DNM1L: variants seen among roughly 807,000 people sequenced by gnomAD.
The protein encoded by DNM1L is dynamin 1L.
A neutral mutation model predicts 92.8 loss-of-function variants in DNM1L; 33 were observed. The ratio of observed to expected loss-of-function variants is 0.36; its 90% CI spans 0.27 to 0.48. The LOEUF (loss-of-function observed/expected upper bound fraction) is 0.48. DNM1L is among the 20% of genes least tolerant of loss of function. The pLI, the probability that DNM1L is intolerant of heterozygous loss-of-function variation, is 0.99. For synonymous variants in DNM1L, 284 were observed against 305.0 expected (o/e 0.93, Z 0.72); for missense variants, 485 against 888.8 (o/e 0.55, Z 5.78).
intron 6 of DNM1L, among the ~76,000 whole-genome samples, chr12:32,718,083 ATTT>A (rs1196636009): frequency 7.5e-6 from 1 of 133,970 alleles, no homozygotes; most frequent in African/African-American, 2.9e-5. Flanking sequence ...TACTATACAT[ATTT>A]TATATATATA....
At chr12:32,720,560 A>G (rs1004724197) in intron 7 of DNM1L, 104 bp from the exon 8 acceptor site, 4 of 1,487,178 alleles carry the variant, frequency 2.7e-6, no homozygotes, top group South Asian at 1.1e-5. Flanking sequence ...TAAATAAAAC[A>G]GTCCCTGTCA....
chr12:32,705,889 C>T lies in DNM1L; in HGVS notation c.251-1478C>T. ...GTTTCCTTTATCCATTTGCTTTTGA[C>T]CCTTTTTTTCTCTTATGCCTGCATG... On this transcript the variant is annotated intron_variant, in intron 2 of 19. Transcript: ENST00000549701. 1.9e-6 allele frequency: 3 copies of T among 1,594,138 alleles called. No individual in the cohort carries two copies. The African/African-American group carries it at 4.0e-5, about 21-fold the overall frequency.
intron 2 of DNM1L, among the ~76,000 whole-genome samples, chr12:32,704,498 C>T (rs1184128149): frequency 3.3e-5 from 5 of 150,782 alleles, no homozygotes; most frequent in South Asian, 4.2e-4. Context: ...TGTAGTGAGC[C>T]GAGATCGAGC....
At chr12:32,713,503 TTTTG>T in intron 6 of DNM1L, 132 bp downstream of exon 6, 1 of 1,058,762 alleles carries the variant, frequency 9.4e-7, no homozygotes, top group Non-Finnish European at 1.4e-6. Flanking sequence ...GCTTTCCTAT[TTTTG>T]TTTATAAAAA....
At chr12:32,739,420 C>T (rs1328718940) in intron 16 of DNM1L, among the ~76,000 whole-genome samples, 1 of 152,176 alleles carries the variant, frequency 6.6e-6, no homozygotes, top group Non-Finnish European at 1.5e-5. Flanking sequence ...TTTCTTTCAG[C>T]AAATCCTTAA....
chr12:32,679,684 A>G (rs1951729055), intron 1 of DNM1L: 3 of 1,248,924 alleles, frequency 2.4e-6, no homozygotes, highest in Non-Finnish European at 3.0e-6. Context: ...GGGCCCGGCC[A>G]GGGGCGGAGC....
At chr12:32,685,041 G>A (rs1261679439) in intron 1 of DNM1L, among the ~76,000 whole-genome samples, 1 of 150,760 alleles carries the variant, frequency 6.6e-6, no homozygotes. Context: ...CCGGGTTTAC[G>A]CCGTTCTCCT....
Position 32,701,450 on chromosome 12 carries a change from G to C in DNM1L, c.138G>C (p.Val46=). ...AGAGCTCAGTGCTAGAAAGCCTGGTGGGGAGGGACCTGCTTCCCAGAGGTA... is the reference window on the plus strand; with the variant it reads ...AGAGCTCAGTGCTAGAAAGCCTGGTCGGGAGGGACCTGCTTCCCAGAGGTA... ...SGKSSVLESL[V]GRDLLPRGTG... The change falls in exon 2 of 20, where the codon GTG becomes GTC. Residue 46 remains valine, a synonymous_variant. Transcript: ENST00000549701. The C allele has an allele frequency of 6.2e-7, 1 of 1,613,932 alleles. No homozygotes were observed. The highest frequency in any genetic ancestry group is 8.5e-7 in the Non-Finnish European group (1 of 1,179,826).
At chr12:32,686,351 T>G (rs1324864661) in intron 1 of DNM1L, among the ~76,000 whole-genome samples, 1 of 152,156 alleles carries the variant, frequency 6.6e-6, no homozygotes, top group Non-Finnish European at 1.5e-5. Flanking sequence ...CCAGCCAAAA[T>G]TAGCCCTTTT....
chr12:32,736,993 G>A (rs1954929733), intron 13 of DNM1L, 112 bp from the exon 14 acceptor site: 1 of 966,356 alleles, frequency 1.0e-6, no homozygotes, highest in Non-Finnish European at 1.6e-6. Context: ...TCCCAACAGT[G>A]AGAGGATGTA....
At chr12:32,742,836 ATAGTCTTTATATTC>A in intron 19 of DNM1L, 88 bp downstream of exon 19, 2 of 1,317,962 alleles carry the variant, frequency 1.5e-6, no homozygotes. Flanking sequence ...TTGGATATGT[ATAGTCTTTATATTC>A]TAGCTAGGCT....
At chr12:32,726,002 A>G (rs1046863024) in intron 9 of DNM1L, among the ~76,000 whole-genome samples, 1 of 151,724 alleles carries the variant, frequency 6.6e-6, no homozygotes, top group African/African-American at 2.4e-5. Context: ...ATCCAAGCAG[A>G]CTTAACCCTA....
Position 32,708,160 on chromosome 12 carries a change from C to T in DNM1L, c.305C>T (p.Thr102Met), listed in dbSNP as rs201929226. 383 of 1,597,708 alleles carry T rather than the reference C, an allele frequency of 2.4e-4. No individual in the cohort carries two copies. Among genetic ancestry groups the T allele is most frequent in the Middle Eastern group, 1.0e-3 (6 of 6,006 alleles). The change falls in exon 4 of 20, where the codon ACG (threonine) becomes ATG (methionine). Residue 102 changes from threonine to methionine, a missense_variant. Around this residue, in one of 11 missense-constraint regions of DNM1L, gnomAD observed 159 missense variants for 275.9 expected, o/e 0.58. Coordinates refer to ENST00000549701, the MANE Select transcript of DNM1L (RefSeq NM_012062.5). Reference protein sequence around the residue: ...KFLHTKNKLYTDFDEIRQEIE... With the variant: ...KFLHTKNKLYMDFDEIRQEIE... ...TATTTCAAAAATTTTTAGCTTTACA[C>T]GGATTTTGATGAAATTCGACAAGAA...
intron 13 of DNM1L, among the ~76,000 whole-genome samples, chr12:32,736,001 T>C (rs1056312027): frequency 1.3e-5 from 2 of 152,132 alleles, no homozygotes; most frequent in Non-Finnish European, 2.9e-5. Context: ...GTTTCTACTT[T>C]ATCTGATGCT....
rs1955571366 is a variant in DNM1L, at chr12:32,745,130, T to C, written c.*1720T>C. On this transcript the variant is annotated 3_prime_UTR_variant, in exon 20 of 20. Transcript: ENST00000549701. The stretch of plus-strand genomic sequence containing the variant: ...GGTACTACTTTGAATCTGTTACTAG[T>C]ACCATCTTGACAGAGGATACATGCT... The C allele has an allele frequency of 2.4e-6, 1 of 414,646 alleles. No individual in the cohort carries two copies. Among genetic ancestry groups the C allele is most frequent in the South Asian group, 1.9e-5 (1 of 51,938 alleles). 25.7% of individuals were successfully genotyped at this position (414,646 alleles called of 1,614,324 possible).
At position 32,713,502 on chromosome 12, in the gene DNM1L, T is replaced by C. The variant is rs140398302; in HGVS notation, c.619+131T>C. 101 of 1,051,540 alleles carry C rather than the reference T, an allele frequency of 9.6e-5. No homozygotes were observed. In the African/African-American group the frequency reaches 1.4e-3, roughly 15 times the overall value. The allele number at this position is 1,051,540 out of a possible 1,614,324, so 65.1% of individuals were successfully genotyped here. A position where few individuals can be genotyped will look rare whatever the true frequency, so the allele number is the denominator to read the frequency against. The stretch of plus-strand genomic sequence containing the variant: ...AAATTTAAAAGATAATGCTTTCCTA[T>C]TTTTGTTTATAAAAATAGAAATTCT... On this transcript the variant is annotated intron_variant, in intron 6 of 19. Transcript: ENST00000549701.
intron 9 of DNM1L, chr12:32,726,917 T>A (rs1954186938): frequency 2.9e-6 from 2 of 693,866 alleles, no homozygotes; most frequent in Non-Finnish European, 5.2e-6. Flanking sequence ...ATTGAAATTC[T>A]AAGACAAAAC....
At chr12:32,709,037 T>C (rs1016675241) in intron 4 of DNM1L, among the ~76,000 whole-genome samples, 2 of 152,198 alleles carry the variant, frequency 1.3e-5, no homozygotes, top group Non-Finnish European at 1.5e-5. Flanking sequence ...CCAGTTACTA[T>C]GCTAAAAGAT....
rs1215559328 is a variant in DNM1L, at chr12:32,744,756, CCTT to C, written c.*1348_*1350del. 1 of 411,206 alleles carries C rather than the reference CCTT, an allele frequency of 2.4e-6. No individual in the cohort carries two copies. Among genetic ancestry groups the C allele is most frequent in the Non-Finnish European group, 4.7e-6 (1 of 212,592 alleles). 25.5% of individuals were successfully genotyped at this position (411,206 alleles called of 1,614,324 possible). On this transcript the variant is annotated 3_prime_UTR_variant, in exon 20 of 20. Coordinates refer to ENST00000549701, the MANE Select transcript of DNM1L (RefSeq NM_012062.5). Reference sequence around the variant, plus strand: ...CAACACCCAGATAGATACACATACTCCTTCAGACTTACAGACCTAAGCTGCATT... The same window carrying C: ...CAACACCCAGATAGATACACATACTCCAGACTTACAGACCTAAGCTGCATT...
Sources: gnomAD v4.1 joint callset for allele counts (sites outside exome capture counted in the v4.1 genomes callset) on GRCh38, gnomAD v4.1.1 for gene constraint, gnomAD v4.1.1 regional missense constraint, MANE v1.5 for transcripts, NCBI Gene and HGNC (gene_info 2026-07-23, HGNC 2026-07-21) for gene names.